Variants in CTNNA3 observed in about 807,000 individuals in gnomAD.
CTNNA3 encodes the protein catenin alpha 3.
In CTNNA3, 76 loss-of-function variants were observed where a neutral mutation model predicts 95.7. That is an observed-to-expected ratio of 0.79 (90% CI 0.66 to 0.96). CTNNA3 has a LOEUF of 0.96. CTNNA3 is among the 40% of genes least tolerant of loss of function. The pLI, the probability that CTNNA3 is intolerant of heterozygous loss-of-function variation, is 0.00. For missense variants in CTNNA3, 1,191 were observed against 1,089.8 expected (o/e 1.09, Z -1.31); for synonymous variants, 431 against 374.4 (o/e 1.15, Z -1.74).
At chr10:66,608,892 G>A (rs1293688320) in intron 10 of CTNNA3, among the ~76,000 whole-genome samples, 1 of 152,054 alleles carries the variant, frequency 6.6e-6, no homozygotes, top group Non-Finnish European at 1.5e-5. Context: ...AAGATTTCAT[G>A]ACAAAGACAC....
chr10:66,360,899 T>TC (rs1564897588), intron 12 of CTNNA3, among the ~76,000 whole-genome samples: 82 of 107,920 alleles, frequency 7.6e-4, no homozygotes, highest in African/African-American at 2.3e-3. Flanking sequence ...CTTTATTTCT[T>TC]TCTCTCTCTC....
At chr10:67,684,224 C>G (rs1290981016) in intron 1 of CTNNA3, among the ~76,000 whole-genome samples, 1 of 152,182 alleles carries the variant, frequency 6.6e-6, no homozygotes, top group Non-Finnish European at 1.5e-5. Flanking sequence ...TAGCTAGACA[C>G]AGAGCACTGA....
At chr10:67,759,933 G>C (rs767569983) in intron 1 of CTNNA3, among the ~76,000 whole-genome samples, 35 of 152,260 alleles carry the variant, frequency 2.3e-4, no homozygotes, top group Middle Eastern at 3.4e-3. Flanking sequence ...CTTGAGACCT[G>C]ATGAGACCCT....
intron 1 of CTNNA3, among the ~76,000 whole-genome samples, chr10:67,652,197 T>C (rs1369549136): frequency 2.0e-5 from 3 of 152,238 alleles, no homozygotes; most frequent in South Asian, 2.1e-4. Flanking sequence ...ATGAGGACTA[T>C]ACACTCATGG....
At chr10:66,330,579 T>G (rs2092313395) in intron 12 of CTNNA3, among the ~76,000 whole-genome samples, 1 of 152,084 alleles carries the variant, frequency 6.6e-6, no homozygotes, top group African/African-American at 2.4e-5. Context: ...CCTCTGGGTA[T>G]ACACCCAGCA....
At chr10:66,049,333 T>C (rs72793412) in intron 15 of CTNNA3, among the ~76,000 whole-genome samples, 28,805 of 151,962 alleles carry the variant, frequency 0.19, 3,087 homozygotes, top group Middle Eastern at 0.26. Context: ...TTATACACAG[T>C]TAGTGGGAGT....
intron 9 of CTNNA3, among the ~76,000 whole-genome samples, chr10:66,752,455 G>A (rs1407003034): frequency 6.6e-6 from 1 of 152,096 alleles, no homozygotes. Flanking sequence ...AATAATTAAT[G>A]CAAACCCTAA....
At chr10:67,753,692 G>A (rs1002662771) in intron 1 of CTNNA3, among the ~76,000 whole-genome samples, 3 of 152,236 alleles carry the variant, frequency 2.0e-5, no homozygotes, top group South Asian at 2.1e-4. Flanking sequence ...AGACATTTAC[G>A]TGGCCAAGAA....
intron 5 of CTNNA3, among the ~76,000 whole-genome samples, chr10:67,237,301 T>G (rs1180214971): frequency 6.6e-6 from 1 of 151,350 alleles, no homozygotes. Flanking sequence ...AAACATCATG[T>G]GTTCTCACTG....
intron 1 of CTNNA3, among the ~76,000 whole-genome samples, chr10:67,712,233 G>C (rs989316256): frequency 6.6e-6 from 1 of 152,130 alleles, no homozygotes; most frequent in Non-Finnish European, 1.5e-5. Context: ...TTTTAAAAGG[G>C]AAGCAAAGTA....
At chr10:67,729,615 G>C (rs1589583573) in intron 1 of CTNNA3, among the ~76,000 whole-genome samples, 2 of 152,050 alleles carry the variant, frequency 1.3e-5, no homozygotes, top group Non-Finnish European at 2.9e-5. Flanking sequence ...TCATTTTTAA[G>C]GAATTGCATG....
chr10:67,405,000 A>T (rs929356190), intron 5 of CTNNA3, among the ~76,000 whole-genome samples: 8 of 152,236 alleles, frequency 5.3e-5, no homozygotes, highest in Non-Finnish European at 7.3e-5. Flanking sequence ...TTTTCAGACA[A>T]GCAAATTCTG....
At position 66,549,751 on chromosome 10, in the gene CTNNA3, G is replaced by A. The variant is rs555425293; in HGVS notation, c.1375-28978C>T. On this transcript the variant is annotated intron_variant, in intron 10 of 17. Transcript: ENST00000433211. ...GTTTTAATTCATGAATTATTTAGAA[G>A]TGTGCTGTTTAATTTATAGATATTG... 5.3e-5 allele frequency among the ~76,000 whole-genome samples: 8 copies of A among 152,240 alleles called. No homozygotes were observed. In the East Asian group the frequency reaches 1.5e-3, roughly 29 times the overall value.
At chr10:67,723,419 G>A (rs1841191454) in intron 1 of CTNNA3, among the ~76,000 whole-genome samples, 1 of 151,702 alleles carries the variant, frequency 6.6e-6, no homozygotes, top group Admixed American at 6.6e-5. Context: ...TGCCTCCCAA[G>A]TAGTGGAACT....
chr10:66,089,061 C>G (rs956325279), intron 14 of CTNNA3, among the ~76,000 whole-genome samples: 1 of 151,882 alleles, frequency 6.6e-6, no homozygotes, highest in Non-Finnish European at 1.5e-5. Flanking sequence ...CTTGGGTTTA[C>G]CTTTTTTATT....
intron 7 of CTNNA3, among the ~76,000 whole-genome samples, chr10:67,152,473 A>G (rs1861127209): frequency 1.3e-5 from 2 of 152,230 alleles, no homozygotes; most frequent in Non-Finnish European, 2.9e-5. Flanking sequence ...AGTAATCTAT[A>G]AATGTGGATT....
chr10:67,162,466 A>T (rs1048862950), intron 7 of CTNNA3, among the ~76,000 whole-genome samples: 1 of 151,942 alleles, frequency 6.6e-6, no homozygotes, highest in African/African-American at 2.4e-5. Flanking sequence ...TCAAAATAGA[A>T]AATTGATTAT....
At chr10:66,236,159 C>T (rs542769125) in intron 13 of CTNNA3, among the ~76,000 whole-genome samples, 36 of 152,172 alleles carry the variant, frequency 2.4e-4, no homozygotes, top group African/African-American at 6.3e-4. Context: ...AAGGAACAAA[C>T]GGAGACAATG....
chr10:66,739,696 G>C (rs1045715412), intron 9 of CTNNA3, among the ~76,000 whole-genome samples: 8 of 152,110 alleles, frequency 5.3e-5, no homozygotes, highest in African/African-American at 1.9e-4. Context: ...AGACTAATTT[G>C]TAACGTACTG....
Sources: allele counts gnomAD v4.1 joint callset (sites outside exome capture counted in the v4.1 genomes callset), GRCh38; gene constraint gnomAD v4.1.1; transcripts MANE v1.5; gene names NCBI Gene and HGNC (gene_info 2026-07-23, HGNC 2026-07-21).